Variants in GALNT2 observed in about 807,000 individuals in gnomAD.
The protein encoded by GALNT2 is UDP-GalNAc:polypeptide N-acetylgalactosaminyltransferase 2.
Under a neutral mutation model 81.4 loss-of-function variants are expected in GALNT2, and 31 were observed. The ratio of observed to expected loss-of-function variants is 0.38; its 90% CI spans 0.29 to 0.51. GALNT2 has a LOEUF of 0.51. Ranked by LOEUF, GALNT2 falls within the 20% of genes least tolerant of loss-of-function variation. GALNT2 has a pLI of 0.87. For missense variants in GALNT2, 629 were observed against 765.7 expected (o/e 0.82, Z 2.11); for synonymous variants, 303 against 287.4 (o/e 1.05, Z -0.55).
intron 1 of GALNT2, among the ~76,000 whole-genome samples, chr1:230,128,484 G>A (rs113316626): frequency 1.3e-5 from 2 of 152,086 alleles, no homozygotes; most frequent in African/African-American, 4.8e-5. Context: ...GGGCCACTTG[G>A]GTCTTGTGCA....
At chr1:230,172,948 C>T (rs1364343726) in intron 1 of GALNT2, among the ~76,000 whole-genome samples, 2 of 152,144 alleles carry the variant, frequency 1.3e-5, no homozygotes, top group East Asian at 3.9e-4. Flanking sequence ...GGTAAGTAGA[C>T]GTCGCTCAGC....
chr1:230,245,842 C>G (rs1665351726), intron 7 of GALNT2, among the ~76,000 whole-genome samples: 1 of 152,174 alleles, frequency 6.6e-6, no homozygotes. Context: ...CTCCTGACCT[C>G]CCTCCCTGCC....
At chr1:230,129,743 G>T (rs1051976949) in intron 1 of GALNT2, among the ~76,000 whole-genome samples, 3 of 152,224 alleles carry the variant, frequency 2.0e-5, no homozygotes, top group African/African-American at 7.2e-5. Flanking sequence ...TGCATGTGCA[G>T]GTTTGTTCAT....
At chr1:230,060,665 G>A (rs1402529886) in intron 1 of GALNT2, among the ~76,000 whole-genome samples, 1 of 151,966 alleles carries the variant, frequency 6.6e-6, no homozygotes, top group African/African-American at 2.4e-5. Context: ...CATCCATTCA[G>A]GTGTCTTCTC....
At chr1:230,234,638 G>A (rs913546198) in intron 3 of GALNT2, among the ~76,000 whole-genome samples, 1 of 152,174 alleles carries the variant, frequency 6.6e-6, no homozygotes, top group Admixed American at 6.5e-5. Context: ...TCTTTTCCAA[G>A]CTGGTATCAG....
chr1:230,152,642 T>A lies in GALNT2; in HGVS notation c.127-25576T>A, dbSNP rs149849971. 2.6e-3 allele frequency among the ~76,000 whole-genome samples: 389 copies of A among 152,292 alleles called. 4 individuals carry two copies. Among genetic ancestry groups the A allele is most frequent in the African/African-American group, 9.0e-3 (375 of 41,550 alleles). On this transcript the variant is annotated intron_variant, in intron 1 of 15. Coordinates refer to ENST00000366672, the MANE Select transcript of GALNT2 (RefSeq NM_004481.5). ...TTTGGCAAAAAAGTTTGAAAGCTGC[T>A]AGGATAGTGCATAGCCAGGAGGGAA...
chr1:230,202,860 A>G (rs1465868222), intron 2 of GALNT2, among the ~76,000 whole-genome samples: 1 of 152,240 alleles, frequency 6.6e-6, no homozygotes, highest in East Asian at 1.9e-4. Context: ...TGCCACAGTT[A>G]CAGGTACTTT....
In GALNT2 at chr1:230,075,400, C is replaced by T. The variant is rs571506055; in HGVS notation, c.126+7994C>T. Among the ~76,000 whole-genome samples, 81 of 152,238 alleles carry T rather than the reference C, an allele frequency of 5.3e-4. 1 individual carries two copies. Among genetic ancestry groups the T allele is most frequent in the African/African-American group, 1.3e-3 (56 of 41,546 alleles). ...CCTCCCAAAGTGCTGGGATTACAGGCGTGAGCCACCGTGCCCGGCTGCTCT... is the reference window on the plus strand; with the variant it reads ...CCTCCCAAAGTGCTGGGATTACAGGTGTGAGCCACCGTGCCCGGCTGCTCT... On this transcript the variant is annotated intron_variant, in intron 1 of 15. Coordinates refer to ENST00000366672, the MANE Select transcript of GALNT2 (RefSeq NM_004481.5).
At chr1:230,100,658 T>C (rs1460267700) in intron 1 of GALNT2, among the ~76,000 whole-genome samples, 1 of 152,202 alleles carries the variant, frequency 6.6e-6, no homozygotes, top group African/African-American at 2.4e-5. Context: ...GTGAGGCGTA[T>C]GTAGTGTTCA....
intron 1 of GALNT2, among the ~76,000 whole-genome samples, chr1:230,114,050 C>G (rs1185207832): frequency 6.6e-6 from 1 of 152,150 alleles, no homozygotes; most frequent in Non-Finnish European, 1.5e-5. Flanking sequence ...CTGTCAGAGT[C>G]TCATTTTAAG....
chr1:230,265,509 C>T lies in GALNT2; in HGVS notation c.1440+142C>T. ...GGAAGCACCTGGCTCCTGCTGGCCA[C>T]AGCCTCTTTGGCAGCCAGCACCAGG... On this transcript the variant is annotated intron_variant, in intron 14 of 15. Transcript: ENST00000366672. The T allele has an allele frequency of 7.7e-6, 9 of 1,169,920 alleles. 1 individual carries two copies. In the South Asian group the frequency reaches 1.3e-4, roughly 17 times the overall value. The allele number at this position is 1,169,920 out of a possible 1,614,324, so 72.5% of individuals were successfully genotyped here.
chr1:230,178,671 T>A (rs1446982931), intron 2 of GALNT2, among the ~76,000 whole-genome samples: 1 of 152,164 alleles, frequency 6.6e-6, no homozygotes, highest in Admixed American at 6.5e-5. Context: ...GTATACCTCC[T>A]GCACCCCCAC....
rs372873957 is a variant in GALNT2, at chr1:230,124,894, C to G, written c.127-53324C>G. On this transcript the variant is annotated intron_variant, in intron 1 of 15. Transcript: ENST00000366672. ...TGTGGTTAGTAACTCAGGATTGTGGCCCTGTGGTTACTGTGCACTAATCAG... is the reference window on the plus strand; with the variant it reads ...TGTGGTTAGTAACTCAGGATTGTGGGCCTGTGGTTACTGTGCACTAATCAG... 5.3e-5 allele frequency among the ~76,000 whole-genome samples: 8 copies of G among 152,144 alleles called. No individual in the cohort carries two copies. The East Asian group carries it at 9.6e-4, about 18-fold the overall frequency.
intron 1 of GALNT2, among the ~76,000 whole-genome samples, chr1:230,060,094 C>G (rs1238480320): frequency 6.6e-6 from 1 of 152,178 alleles, no homozygotes; most frequent in African/African-American, 2.4e-5. Context: ...GATATCATGT[C>G]TCTTCAGGTC....
intron 1 of GALNT2, among the ~76,000 whole-genome samples, chr1:230,088,723 C>T (rs552289797): frequency 2.6e-5 from 4 of 152,090 alleles, no homozygotes; most frequent in Non-Finnish European, 5.9e-5. Flanking sequence ...AGTTTTAGTA[C>T]AGACGGGGTT....
chr1:230,122,716 A>G (rs556224142), intron 1 of GALNT2, among the ~76,000 whole-genome samples: 10 of 152,210 alleles, frequency 6.6e-5, no homozygotes, highest in Admixed American at 2.0e-4. Flanking sequence ...TATTATTAAC[A>G]TGAATTTATT....
chr1:230,122,808 C>T (rs930811861), intron 1 of GALNT2, among the ~76,000 whole-genome samples: 3 of 152,094 alleles, frequency 2.0e-5, no homozygotes, highest in African/African-American at 7.2e-5. Context: ...TCTGCACACG[C>T]GTATAGTGCA....
At chr1:230,231,898 C>T (rs907009074) in intron 3 of GALNT2, among the ~76,000 whole-genome samples, 5 of 152,152 alleles carry the variant, frequency 3.3e-5, no homozygotes, top group Non-Finnish European at 5.9e-5. Context: ...TAGCCTGCGT[C>T]GTCTGGTAGA....
At chr1:230,224,115 A>G (rs1181053105) in intron 3 of GALNT2, among the ~76,000 whole-genome samples, 2 of 152,238 alleles carry the variant, frequency 1.3e-5, no homozygotes, top group African/African-American at 2.4e-5. Flanking sequence ...GGAAACCAGA[A>G]CTCACGTATC....
Sources: allele counts gnomAD v4.1 joint callset (sites outside exome capture counted in the v4.1 genomes callset), GRCh38; gene constraint gnomAD v4.1.1; transcripts MANE v1.5; gene names NCBI Gene and HGNC (gene_info 2026-07-23, HGNC 2026-07-21).